HERC2: variants seen among roughly 807,000 people sequenced by gnomAD.
The protein encoded by HERC2 is E3 ubiquitin-protein ligase HERC2.
A neutral mutation model predicts 537.7 loss-of-function variants in HERC2; 102 were observed. That is an observed-to-expected ratio of 0.19 (90% CI 0.16 to 0.22). The LOEUF is 0.22. Among genes scored for constraint, HERC2 ranks in the 10% least tolerant of loss-of-function variants. The probability of loss-of-function intolerance (pLI) is 1.00; values close to 1 mark genes in which losing one functional copy is unlikely to be tolerated. For missense variants in HERC2, 4,236 were observed against 6,198.2 expected (o/e 0.68, Z 10.63); for synonymous variants, 2,224 against 2,466.2 (o/e 0.90, Z 2.91).
At chr15:28,240,734 C>T (rs1253960720) in intron 23 of HERC2, among the ~76,000 whole-genome samples, 1 of 152,168 alleles carries the variant, frequency 6.6e-6, no homozygotes, top group Non-Finnish European at 1.5e-5. Context: ...ACCCCAAAAA[C>T]AATCCATCAC....
chr15:28,177,237 C>T lies in HERC2; in HGVS notation c.9255-110G>A. 1 of 1,286,802 alleles carries T rather than the reference C, an allele frequency of 7.8e-7. No individual in the cohort carries two copies. Among genetic ancestry groups the T allele is most frequent in the Non-Finnish European group, 1.1e-6 (1 of 925,212 alleles). 79.7% of individuals were successfully genotyped at this position (1,286,802 alleles called of 1,614,324 possible). ...TGTAGTCAACACAGGATCCACAGAT[C>T]AACTATCAAAACTTAAAGCAGAACC... On this transcript the variant is annotated intron_variant, in intron 60 of 92. Coordinates refer to ENST00000261609, the MANE Select transcript of HERC2 (RefSeq NM_004667.6). The surrounding 1 kb of genome is among the most constrained non-coding windows in gnomAD (Gnocchi z 5.0).
rs1204771614 is a variant in HERC2, at chr15:28,305,162, G to T, written c.73-5646C>A. Among the ~76,000 whole-genome samples the T allele has an allele frequency of 1.6e-3, 228 of 143,808 alleles. 1 individual carries two copies. Among genetic ancestry groups the T allele is most frequent in the Admixed American group, 3.1e-3 (44 of 14,250 alleles). 94.3% of individuals were successfully genotyped at this position (143,808 alleles called of 152,430 possible). On this transcript the variant is annotated intron_variant, in intron 2 of 92. Coordinates refer to ENST00000261609, the MANE Select transcript of HERC2 (RefSeq NM_004667.6). ...CCAAGTCTTTGCTATTGTGAATAAT[G>T]CCGCAATAAACATACGTGTGCATGT...
At chr15:28,136,542 C>T (rs904195399) in intron 78 of HERC2, among the ~76,000 whole-genome samples, 47 of 152,334 alleles carry the variant, frequency 3.1e-4, no homozygotes, top group Admixed American at 1.8e-3. Context: ...AAGAAGAACA[C>T]CACAGAAAGC....
rs1368843673 is a variant in HERC2 at position 28,201,456 on chromosome 15, C to G, written c.7716G>C (p.Gln2572His). The change falls in exon 48 of 93, where the codon CAG (glutamine) becomes CAC (histidine). Residue 2572 changes from glutamine (Q) to histidine (H), a missense_variant and splice_region_variant. By Grantham distance (24) the Gln-to-His change is conservative. Coordinates refer to ENST00000261609, the MANE Select transcript of HERC2 (RefSeq NM_004667.6). ...GCTCCAGCTTAAGACAATTACTCAC[C>G]TGAATATTCTCTCTCACATATACAG... ...DYAVYVRENI[Q>H]VGMMVRCCRA... The G allele has an allele frequency of 6.4e-7, 1 of 1,573,608 alleles. No individual in the cohort carries two copies. Among genetic ancestry groups the G allele is most frequent in the Admixed American group, 1.7e-5 (1 of 59,888 alleles).
chr15:28,291,909 GAAAAAA>G (rs67813649), intron 4 of HERC2, among the ~76,000 whole-genome samples: 22 of 37,962 alleles, frequency 5.8e-4, no homozygotes, highest in African/African-American at 2.2e-3. Flanking sequence ...CGTCTCAAAG[GAAAAAA>G]AAAAAAAAAA....
Position 28,154,691 on chromosome 15 carries a change from T to C in HERC2, c.10747-1861A>G, listed in dbSNP as rs116772198. ...CTCTCAGCCTCAGTTTCCTCATCCA[T>C]ATATAAAGGTAACCCCTACCCTCTC... On this transcript the variant is annotated intron_variant, in intron 69 of 92. Transcript: ENST00000261609. Among the ~76,000 whole-genome samples, 519 of 152,322 alleles carry C rather than the reference T, an allele frequency of 3.4e-3. 5 individuals carry two copies. Among genetic ancestry groups the C allele is most frequent in the African/African-American group, 0.012 (493 of 41,568 alleles).
chr15:28,246,721 C>A, intron 22 of HERC2, 21 bp downstream of exon 22: 2 of 1,540,976 alleles, frequency 1.3e-6, no homozygotes, highest in Non-Finnish European at 1.7e-6. Context: ...AACATGTACA[C>A]AAGCAGGAAA....
Position 28,229,971 on chromosome 15 carries a change from C to G in HERC2, c.4810-124G>C, listed in dbSNP as rs567376353. 1.1e-4 allele frequency: 84 copies of G among 763,042 alleles called. No homozygotes were observed. The African/African-American group carries it at 1.4e-3, about 13-fold the overall frequency. 47.3% of individuals were successfully genotyped at this position (763,042 alleles called of 1,614,324 possible). On this transcript the variant is annotated intron_variant, in intron 31 of 92. Transcript: ENST00000261609. Reference sequence around the variant, plus strand: ...TTTAAATTGGTTAAATTTAGTAATACATGGTTTTAAAACTATGCTATAAAT... The same window carrying G: ...TTTAAATTGGTTAAATTTAGTAATAGATGGTTTTAAAACTATGCTATAAAT...
At chr15:28,231,906 A>G (rs182765901) in intron 30 of HERC2, among the ~76,000 whole-genome samples, 1 of 152,170 alleles carries the variant, frequency 6.6e-6, no homozygotes, top group East Asian at 1.9e-4. Flanking sequence ...GGAAACTCTA[A>G]AAGTGACAGT....
At chr15:28,170,625 CA>C (rs1275091102) in intron 65 of HERC2, among the ~76,000 whole-genome samples, 4 of 152,000 alleles carry the variant, frequency 2.6e-5, no homozygotes, top group Non-Finnish European at 5.9e-5. Flanking sequence ...GACTTGACAC[CA>C]AAAGTATGAT....
chr15:28,265,598 G>C lies in HERC2; in HGVS notation c.1870+20C>G. On this transcript the variant is annotated intron_variant, in intron 14 of 92. Transcript: ENST00000261609. The surrounding 1 kb of genome is among the most constrained non-coding windows in gnomAD (Gnocchi z 4.0). ...GCGTGTCCTCGTGGGCCTGTCCAGG[G>C]TGGCGAGAGCTCTACGTACCGTTCT... 1 of 1,600,504 alleles carries C rather than the reference G, an allele frequency of 6.2e-7. No homozygotes were observed. Among genetic ancestry groups the C allele is most frequent in the Non-Finnish European group, 8.6e-7 (1 of 1,168,550 alleles).
intron 6 of HERC2, 23 bp from the exon 7 acceptor site, chr15:28,274,470 G>A (rs1182285904): frequency 3.8e-6 from 6 of 1,586,454 alleles, no homozygotes; most frequent in Non-Finnish European, 4.3e-6. Flanking sequence ...ACGCGTCAGA[G>A]GAGCCCCCCC....
At chr15:28,285,515 A>G (rs2076132286) in intron 4 of HERC2, among the ~76,000 whole-genome samples, 1 of 152,152 alleles carries the variant, frequency 6.6e-6, no homozygotes, top group Non-Finnish European at 1.5e-5. Context: ...TGCAAGTACA[A>G]TACATCAAAA....
intron 44 of HERC2, among the ~76,000 whole-genome samples, chr15:28,210,653 T>A (rs373561014): frequency 0.086 from 12,687 of 147,376 alleles, 1,033 homozygotes; most frequent in East Asian, 0.4. Context: ...GCTTAGGTTC[T>A]ACTTGTTACA....
At chr15:28,249,998 G>A (rs1904128671) in intron 20 of HERC2, among the ~76,000 whole-genome samples, 1 of 152,104 alleles carries the variant, frequency 6.6e-6, no homozygotes, top group Admixed American at 6.6e-5. Flanking sequence ...AAATCAGACA[G>A]GACATGGGAA....
chr15:28,281,839 G>C (rs958740033), intron 4 of HERC2, among the ~76,000 whole-genome samples: 1 of 151,994 alleles, frequency 6.6e-6, no homozygotes, highest in East Asian at 1.9e-4. Context: ...GCACTTCAAG[G>C]GCTAAGCCCT....
intron 4 of HERC2, among the ~76,000 whole-genome samples, chr15:28,287,719 C>CTTTTTTTTTTT (rs766216433): frequency 6.4e-5 from 8 of 124,820 alleles, no homozygotes; most frequent in African/African-American, 1.0e-4. Context: ...ACTTATTCCT[C>CTTTTTTTTTTT]TTTTTTTTTT....
chr15:28,175,407 G>T, intron 64 of HERC2, 105 bp downstream of exon 64: 1 of 1,127,504 alleles, frequency 8.9e-7, no homozygotes, highest in Non-Finnish European at 1.3e-6. Context: ...AGACTCAGCT[G>T]ATTTCATCAA....
intron 4 of HERC2, among the ~76,000 whole-genome samples, chr15:28,283,258 C>T (rs757088805): frequency 2.0e-5 from 3 of 152,054 alleles, no homozygotes; most frequent in Non-Finnish European, 4.4e-5. Context: ...CAAACTAAGA[C>T]ATACAATAAT....
Sources: allele counts gnomAD v4.1 joint callset (sites outside exome capture counted in the v4.1 genomes callset), GRCh38; gene constraint gnomAD v4.1.1; non-coding constraint Gnocchi (gnomAD v3.1); transcripts MANE v1.5; gene names NCBI Gene and HGNC (gene_info 2026-07-23, HGNC 2026-07-21).